PDCD6: variants seen among roughly 807,000 people sequenced by gnomAD.
The protein encoded by PDCD6 is programmed cell death 6.
In PDCD6, 12 loss-of-function variants were observed where a neutral mutation model predicts 28.3. That is an observed-to-expected ratio of 0.42 (90% CI 0.27 to 0.69). The LOEUF (loss-of-function observed/expected upper bound fraction) is 0.69, where lower values mean the gene tolerates loss of function less well. Among genes scored for constraint, PDCD6 ranks in the 30% least tolerant of loss-of-function variants. The pLI is 0.22. For synonymous variants in PDCD6, 92 were observed against 108.0 expected, an observed-to-expected ratio of 0.85 and a Z score of 0.92; for missense variants, 226 against 269.9, an observed-to-expected ratio of 0.84 and a Z score of 1.14.
intron 2 of PDCD6, among the ~76,000 whole-genome samples, chr5:283,082 A>G (rs1475280541): frequency 6.6e-6 from 1 of 151,986 alleles, no homozygotes; most frequent in East Asian, 1.9e-4. Context: ...AGACTCAGGC[A>G]GGAGCTGATG....
chr5:291,103 C>T (rs1310165307), intron 2 of PDCD6, among the ~76,000 whole-genome samples: 1 of 152,156 alleles, frequency 6.6e-6, no homozygotes. Flanking sequence ...GGTCCCTTCC[C>T]TTCTCCTGCA....
At chr5:288,442 G>A (rs1435187212) in intron 2 of PDCD6, among the ~76,000 whole-genome samples, 1 of 151,252 alleles carries the variant, frequency 6.6e-6, no homozygotes, top group Non-Finnish European at 1.5e-5. Context: ...AACTGCTAGA[G>A]CTATCAGAAA....
At chr5:278,195 C>T (rs1231676152) in intron 2 of PDCD6, among the ~76,000 whole-genome samples, 1 of 152,032 alleles carries the variant, frequency 6.6e-6, no homozygotes, top group Non-Finnish European at 1.5e-5. Context: ...TGGGTGAGTT[C>T]CAGATATAGC....
At chr5:277,970 G>T (rs1190378873) in intron 2 of PDCD6, among the ~76,000 whole-genome samples, 33 of 151,552 alleles carry the variant, frequency 2.2e-4, no homozygotes, top group Non-Finnish European at 4.7e-4. Flanking sequence ...CAAAATCCAG[G>T]CCAGACAAAT....
At position 276,313 on chromosome 5, in the gene PDCD6, C is replaced by G. The variant is rs867789339; in HGVS notation, c.163+3541C>G. On this transcript the variant is annotated intron_variant, in intron 2 of 5. Transcript: ENST00000264933. ...CTTTTCTCTGATATGCACCTTTTTCCTCATCGTGGGGGCTCACGTTTTCAT... is the reference window on the plus strand; with the variant it reads ...CTTTTCTCTGATATGCACCTTTTTCGTCATCGTGGGGGCTCACGTTTTCAT... 129 of 1,101,770 alleles carry G rather than the reference C, an allele frequency of 1.2e-4. No individual in the cohort carries two copies. In the South Asian group the frequency reaches 2.7e-3, roughly 23 times the overall value. The allele number at this position is 1,101,770 out of a possible 1,614,324, so 68.2% of individuals were successfully genotyped here. A position where few individuals can be genotyped will look rare whatever the true frequency, so the allele number is the denominator to read the frequency against.
intron 2 of PDCD6, chr5:273,159 G>A (rs935011259): frequency 5.0e-6 from 1 of 199,078 alleles, no homozygotes; most frequent in Non-Finnish European, 1.1e-5. Flanking sequence ...CGAGGGCACT[G>A]GGGGGTGATT....
chr5:299,836 A>C (rs1269190149), intron 2 of PDCD6, among the ~76,000 whole-genome samples: 7 of 151,448 alleles, frequency 4.6e-5, no homozygotes, highest in African/African-American at 9.8e-5. Context: ...GGCGCCAGCC[A>C]CCGCGCCCAG....
intron 1 of PDCD6, among the ~76,000 whole-genome samples, chr5:272,198 C>T (rs1412396507): frequency 6.8e-6 from 1 of 146,704 alleles, no homozygotes; most frequent in African/African-American, 2.6e-5. Flanking sequence ...GCCTCAAGAG[C>T]CGCCAGGTGG....
intron 2 of PDCD6, chr5:290,035 A>C: frequency 1.3e-6 from 2 of 1,591,054 alleles, no homozygotes; most frequent in Non-Finnish European, 1.7e-6. Context: ...AGTAAAAGGG[A>C]TACTGTTAAA....
At chr5:289,943 C>G (rs570480922) in intron 2 of PDCD6, 52 of 1,553,490 alleles carry the variant, frequency 3.3e-5, no homozygotes, top group Middle Eastern at 4.6e-4. Context: ...ACCATCACAT[C>G]CTTTTCTACT....
chr5:284,431 T>C (rs552243374), intron 2 of PDCD6, among the ~76,000 whole-genome samples: 1 of 152,282 alleles, frequency 6.6e-6, no homozygotes, highest in Admixed American at 6.5e-5. Context: ...GTCATGCAGC[T>C]GGAGATCTGG....
chr5:284,891 A>T (rs754832698), intron 2 of PDCD6, among the ~76,000 whole-genome samples: 1 of 144,000 alleles, frequency 6.9e-6, no homozygotes, highest in Non-Finnish European at 1.5e-5. Flanking sequence ...CTGATGTTCC[A>T]GTCTGAGGGT....
Position 306,769 on chromosome 5 carries a change from C to T in PDCD6, c.367+9C>T. On this transcript the variant is annotated intron_variant, in intron 4 of 5. Transcript: ENST00000264933. ...GGCCCTCTCAGGTTTCGGTAACTCACTCACTCTGGCTTGTGTAGCGTGTTT... is the reference window on the plus strand; with the variant it reads ...GGCCCTCTCAGGTTTCGGTAACTCATTCACTCTGGCTTGTGTAGCGTGTTT... The T allele has an allele frequency of 1.9e-6, 3 of 1,612,610 alleles. No homozygotes were observed. Among genetic ancestry groups the T allele is most frequent in the Non-Finnish European group, 2.5e-6 (3 of 1,178,972 alleles).
chr5:288,026 G>A (rs867017532), intron 2 of PDCD6, among the ~76,000 whole-genome samples: 1 of 152,074 alleles, frequency 6.6e-6, no homozygotes, highest in Non-Finnish European at 1.5e-5. Context: ...AAATAATGAA[G>A]TCTGTTTCTC....
At chr5:274,282 A>G (rs1329413239) in intron 2 of PDCD6, among the ~76,000 whole-genome samples, 1 of 152,168 alleles carries the variant, frequency 6.6e-6, no homozygotes, top group Non-Finnish European at 1.5e-5. Flanking sequence ...CTTTTTATGC[A>G]TTTGCTCTAA....
chr5:280,574 T>G (rs1237434512), intron 2 of PDCD6, among the ~76,000 whole-genome samples: 137 of 33,322 alleles, frequency 4.1e-3, no homozygotes, highest in Admixed American at 0.01. Flanking sequence ...GGCAGAGGGG[T>G]GGGGAGGGCT....
At chr5:295,842 C>G (rs1739579489) in intron 2 of PDCD6, among the ~76,000 whole-genome samples, 1 of 148,950 alleles carries the variant, frequency 6.7e-6, no homozygotes, top group African/African-American at 2.4e-5. Context: ...GCATCAGAAG[C>G]TACAGGCCAG....
intron 2 of PDCD6, among the ~76,000 whole-genome samples, chr5:278,217 G>A (rs1437350156): frequency 6.6e-6 from 1 of 152,070 alleles, no homozygotes; most frequent in Non-Finnish European, 1.5e-5. Flanking sequence ...TTCTCTTGTA[G>A]GATATTTCAT....
Position 276,192 on chromosome 5 carries a change from G to A in PDCD6, c.163+3420G>A, listed in dbSNP as rs1738187315. 24 of 1,064,494 alleles carry A rather than the reference G, an allele frequency of 2.3e-5. No individual in the cohort carries two copies. In the South Asian group the frequency reaches 4.0e-4, roughly 18 times the overall value. 65.9% of individuals were successfully genotyped at this position (1,064,494 alleles called of 1,614,324 possible). A position where few individuals can be genotyped will look rare whatever the true frequency, so the allele number is the denominator to read the frequency against. ...TGCATTGAGCTGAGATCAAGCCACG[G>A]CACTCCAGCCTGGGAGACAGAGCGA... On this transcript the variant is annotated intron_variant, in intron 2 of 5. Transcript: ENST00000264933.
Sources: gnomAD v4.1 joint callset for allele counts (sites outside exome capture counted in the v4.1 genomes callset) on GRCh38, gnomAD v4.1.1 for gene constraint, MANE v1.5 for transcripts, NCBI Gene and HGNC (gene_info 2026-07-23, HGNC 2026-07-21) for gene names.